The following TMEM132C variants were observed in gnomAD, a reference collection of about 807,000 sequenced individuals.
TMEM132C encodes the protein transmembrane protein 132C.
A neutral mutation model predicts 61.4 loss-of-function variants in TMEM132C; 29 were observed. That is an observed-to-expected ratio of 0.47 (90% CI 0.35 to 0.64). The LOEUF (loss-of-function observed/expected upper bound fraction) is 0.64. Among genes scored for constraint, TMEM132C ranks in the 30% least tolerant of loss-of-function variants. The pLI, the probability that TMEM132C is intolerant of heterozygous loss-of-function variation, is 0.00. For missense variants in TMEM132C, 1,408 were observed against 1,476.9 expected (o/e 0.95, Z 0.76); for synonymous variants, 656 against 633.1 (o/e 1.04, Z -0.54).
In TMEM132C at chr12:128,403,212, A is replaced by T. The variant is rs184677272; in HGVS notation, c.86-11520A>T. 5.3e-5 allele frequency among the ~76,000 whole-genome samples: 8 copies of T among 152,348 alleles called. No homozygotes were observed. The South Asian group carries it at 1.0e-3, about 20-fold the overall frequency. The stretch of plus-strand genomic sequence containing the variant: ...GACATTCTGTGTCTGGGGAATGTTA[A>T]TAAATCACCAATGGAGAGAGGAAAA... On this transcript the variant is annotated intron_variant, in intron 1 of 8. Transcript: ENST00000435159.
At chr12:128,547,178 G>A (rs1428014052) in intron 3 of TMEM132C, among the ~76,000 whole-genome samples, 7 of 152,174 alleles carry the variant, frequency 4.6e-5, no homozygotes, top group Admixed American at 1.3e-4. Context: ...CCAGGAGTGT[G>A]TATTCTTGCT....
intron 1 of TMEM132C, among the ~76,000 whole-genome samples, chr12:128,377,434 G>A (rs1874230330): frequency 6.6e-6 from 1 of 152,160 alleles, no homozygotes; most frequent in Non-Finnish European, 1.5e-5. Context: ...CACGTAGGTT[G>A]GGATTCTATT....
chr12:128,604,341 T>G (rs1030140527), intron 3 of TMEM132C, among the ~76,000 whole-genome samples: 1 of 151,296 alleles, frequency 6.6e-6, no homozygotes, highest in Non-Finnish European at 1.5e-5. Flanking sequence ...GATAGAAAGA[T>G]GGATGGATAG....
chr12:128,612,448 G>A (rs1876666993), intron 3 of TMEM132C, among the ~76,000 whole-genome samples: 1 of 152,182 alleles, frequency 6.6e-6, no homozygotes, highest in Non-Finnish European at 1.5e-5. Flanking sequence ...TGGCTCACAA[G>A]TGATGGGCAT....
intron 2 of TMEM132C, among the ~76,000 whole-genome samples, chr12:128,476,651 GA>G (rs1871163745): frequency 6.6e-6 from 1 of 152,298 alleles, no homozygotes; most frequent in South Asian, 2.1e-4. Context: ...TTAGATCTTA[GA>G]TCATGGAGCC....
chr12:128,473,385 A>C (rs1436111094), intron 2 of TMEM132C, among the ~76,000 whole-genome samples: 1 of 145,230 alleles, frequency 6.9e-6, no homozygotes, highest in African/African-American at 2.6e-5. Flanking sequence ...TCTTCACTCG[A>C]GCCTCCATCT....
chr12:128,290,390 A>G (rs548380378), intron 1 of TMEM132C, among the ~76,000 whole-genome samples: 2 of 125,644 alleles, frequency 1.6e-5, no homozygotes, highest in South Asian at 3.1e-4. Context: ...ATCAGATCTC[A>G]TGAGAACTCA....
At chr12:128,699,277 T>C (rs1285111326) in intron 8 of TMEM132C, among the ~76,000 whole-genome samples, 2 of 152,174 alleles carry the variant, frequency 1.3e-5, no homozygotes, top group Non-Finnish European at 2.9e-5. Context: ...CACGCACTTA[T>C]TGGCTCACAG....
chr12:128,616,325 C>T lies in TMEM132C; in HGVS notation c.1295C>T (p.Pro432Leu), dbSNP rs1267032516. The T allele has an allele frequency of 5.2e-6, 8 of 1,551,632 alleles. No homozygotes were observed. The highest frequency in any genetic ancestry group is 7.0e-6 in the Non-Finnish European group (8 of 1,146,826). The change falls in exon 4 of 9, where the codon CCC (proline) becomes CTC (leucine). Residue 432 changes from proline (P) to leucine (L), a missense_variant. Coordinates refer to ENST00000435159, the MANE Select transcript of TMEM132C (RefSeq NM_001136103.3). ...VSQKDLVGIV[P>L]LAMDTEILNT... ...CAGAAGGACCTGGTGGGCATCGTTC[C>T]CTTGGCTATGGTGAGTCCTGAGTTA...
At chr12:128,386,030 G>A (rs1874570232) in intron 1 of TMEM132C, among the ~76,000 whole-genome samples, 1 of 152,138 alleles carries the variant, frequency 6.6e-6, no homozygotes, top group South Asian at 2.1e-4. Flanking sequence ...GTTCTCGCTG[G>A]CTCAAAGGGG....
chr12:128,495,583 G>T (rs1194203196), intron 2 of TMEM132C, among the ~76,000 whole-genome samples: 2 of 152,260 alleles, frequency 1.3e-5, no homozygotes, highest in South Asian at 2.1e-4. Flanking sequence ...TTACCATTAT[G>T]TAATGGCCTT....
At chr12:128,388,966 A>C (rs1049067647) in intron 1 of TMEM132C, among the ~76,000 whole-genome samples, 6 of 152,102 alleles carry the variant, frequency 3.9e-5, no homozygotes, top group African/African-American at 1.4e-4. Context: ...CTGTGCGGGC[A>C]ACAGAAGACC....
intron 2 of TMEM132C, among the ~76,000 whole-genome samples, chr12:128,449,604 A>G (rs145717454): frequency 2.8e-4 from 42 of 152,348 alleles, no homozygotes; most frequent in African/African-American, 8.9e-4. Context: ...GAAGGATGTC[A>G]TGACAGTTTT....
intron 1 of TMEM132C, among the ~76,000 whole-genome samples, chr12:128,292,653 G>C (rs1871279070): frequency 2.3e-5 from 2 of 86,560 alleles, no homozygotes; most frequent in Admixed American, 1.1e-4. Flanking sequence ...TAAGTTCCTA[G>C]ATGAGGTATT....
chr12:128,644,921 A>G (rs1175294422), intron 4 of TMEM132C, among the ~76,000 whole-genome samples: 1 of 152,144 alleles, frequency 6.6e-6, no homozygotes, highest in Non-Finnish European at 1.5e-5. Flanking sequence ...GGGCGGTGCC[A>G]TCTATTATTT....
chr12:128,351,658 A>C (rs1384393128), intron 1 of TMEM132C, among the ~76,000 whole-genome samples: 1 of 151,988 alleles, frequency 6.6e-6, no homozygotes, highest in Non-Finnish European at 1.5e-5. Context: ...TAGATCACAT[A>C]GTGAGAGAGA....
intron 1 of TMEM132C, among the ~76,000 whole-genome samples, chr12:128,338,583 C>G (rs1282385666): frequency 5.9e-5 from 9 of 152,078 alleles, no homozygotes; most frequent in Admixed American, 3.9e-4. Flanking sequence ...GCTCCCATCA[C>G]TGTTGCTGAA....
chr12:128,528,885 G>A (rs2136133713), intron 2 of TMEM132C, among the ~76,000 whole-genome samples: 1 of 152,252 alleles, frequency 6.6e-6, no homozygotes, highest in Non-Finnish European at 1.5e-5. Context: ...TGTATTCAGA[G>A]CTGGACAGAC....
At chr12:128,600,650 C>T (rs1876150690) in intron 3 of TMEM132C, among the ~76,000 whole-genome samples, 1 of 152,186 alleles carries the variant, frequency 6.6e-6, no homozygotes, top group African/African-American at 2.4e-5. Context: ...TTCCAATGCA[C>T]TCTGGTCAGT....
Sources: gnomAD v4.1 joint callset for allele counts (sites outside exome capture counted in the v4.1 genomes callset) on GRCh38, gnomAD v4.1.1 for gene constraint, MANE v1.5 for transcripts, NCBI Gene and HGNC (gene_info 2026-07-23, HGNC 2026-07-21) for gene names.